PTPRK: variants seen among roughly 807,000 people sequenced by gnomAD.
The protein encoded by PTPRK is receptor-type tyrosine-protein phosphatase kappa.
A neutral mutation model predicts 178.0 loss-of-function variants in PTPRK; 75 were observed. The observed-to-expected ratio is 0.42, with a 90% CI of 0.35 to 0.51. The LOEUF is 0.51. PTPRK is among the 20% of genes least tolerant of loss of function. PTPRK has a pLI of 0.02. For missense variants in PTPRK, 1,441 were observed against 1,797.8 expected (o/e 0.80, Z 3.59); for synonymous variants, 637 against 620.6 (o/e 1.03, Z -0.39).
At chr6:128,345,763 C>G (rs1326880277) in intron 2 of PTPRK, among the ~76,000 whole-genome samples, 1 of 152,078 alleles carries the variant, frequency 6.6e-6, no homozygotes, top group Non-Finnish European at 1.5e-5. Context: ...CATTTGTATC[C>G]CTTCTCACTG....
At chr6:128,435,134 C>A (rs1319925070) in intron 1 of PTPRK, among the ~76,000 whole-genome samples, 5 of 135,202 alleles carry the variant, frequency 3.7e-5, no homozygotes, top group Admixed American at 2.1e-4. Flanking sequence ...GGAAGGCAGG[C>A]AGGCAGGCAG....
At chr6:127,993,085 C>T (rs904208669) in intron 18 of PTPRK, among the ~76,000 whole-genome samples, 2 of 151,584 alleles carry the variant, frequency 1.3e-5, no homozygotes. Flanking sequence ...AAAAGTACAA[C>T]ACACTGCATT....
chr6:128,207,642 A>C (rs1027251334), intron 6 of PTPRK, among the ~76,000 whole-genome samples: 1 of 152,320 alleles, frequency 6.6e-6, no homozygotes, highest in African/African-American at 2.4e-5. Flanking sequence ...GAAAATTATT[A>C]ATCAGAATTT....
intron 13 of PTPRK, among the ~76,000 whole-genome samples, chr6:128,045,903 A>T (rs1182293087): frequency 6.6e-6 from 1 of 152,148 alleles, no homozygotes; most frequent in Non-Finnish European, 1.5e-5. Context: ...CATTGTGGTA[A>T]TATAACATTT....
At chr6:128,153,651 T>TCC in intron 7 of PTPRK, among the ~76,000 whole-genome samples, 1 of 151,852 alleles carries the variant, frequency 6.6e-6, no homozygotes, top group Admixed American at 6.6e-5. Flanking sequence ...TATACTGCCC[T>TCC]CCCCTTCAAG....
At chr6:128,060,000 G>A (rs1044786107) in intron 13 of PTPRK, among the ~76,000 whole-genome samples, 1 of 151,976 alleles carries the variant, frequency 6.6e-6, no homozygotes, top group African/African-American at 2.4e-5. Context: ...TTTCTGTTTC[G>A]GTGACTTGGC....
At chr6:128,048,513 G>A (rs1373622302) in intron 13 of PTPRK, among the ~76,000 whole-genome samples, 1 of 152,130 alleles carries the variant, frequency 6.6e-6, no homozygotes, top group Non-Finnish European at 1.5e-5. Context: ...CCTCACCAGC[G>A]AGACTTTCTC....
Position 128,399,605 on chromosome 6 carries a change from A to G in PTPRK, c.101-1917T>C, listed in dbSNP as rs554652058. On this transcript the variant is annotated intron_variant, in intron 1 of 29. Coordinates refer to ENST00000368226, the MANE Select transcript of PTPRK (RefSeq NM_002844.4). ...TTCTCAAAATATAATTTGCTATCAA[A>G]CTCTAAAATAATTTACTGCTTTGTA... is the stretch of plus-strand genomic sequence containing the variant. Among the ~76,000 whole-genome samples the G allele has an allele frequency of 1.0e-3, 156 of 151,182 alleles. 1 individual carries two copies. The highest frequency in any genetic ancestry group is 3.7e-3 in the African/African-American group (148 of 40,486).
intron 2 of PTPRK, among the ~76,000 whole-genome samples, chr6:128,354,298 C>T (rs1833661649): frequency 8.8e-6 from 1 of 113,498 alleles, no homozygotes; most frequent in Non-Finnish European, 1.6e-5. Context: ...AGTGTAGTGG[C>T]ACCATCTCGG....
At chr6:128,377,364 C>G (rs868239706) in intron 2 of PTPRK, among the ~76,000 whole-genome samples, 2 of 151,926 alleles carry the variant, frequency 1.3e-5, no homozygotes, top group East Asian at 1.9e-4. Flanking sequence ...TTTTTAAAAC[C>G]ATCAGATCTC....
chr6:128,352,052 C>T (rs969463659), intron 2 of PTPRK, among the ~76,000 whole-genome samples: 5 of 151,648 alleles, frequency 3.3e-5, no homozygotes, highest in East Asian at 1.9e-4. Flanking sequence ...GTCAGGAGTT[C>T]GAGACCAGCC....
intron 15 of PTPRK, among the ~76,000 whole-genome samples, chr6:127,999,701 A>G (rs1269192389): frequency 6.6e-6 from 1 of 151,894 alleles, no homozygotes; most frequent in Non-Finnish European, 1.5e-5. Context: ...TTTACATGTC[A>G]TTTCACTTGC....
intron 7 of PTPRK, among the ~76,000 whole-genome samples, chr6:128,126,136 G>T (rs1387494431): frequency 6.6e-6 from 1 of 151,746 alleles, no homozygotes; most frequent in African/African-American, 2.4e-5. Context: ...TACCATGGTG[G>T]TTGGCTGCAC....
chr6:128,388,544 G>A (rs1251557553), intron 2 of PTPRK, among the ~76,000 whole-genome samples: 3 of 152,064 alleles, frequency 2.0e-5, no homozygotes, highest in African/African-American at 4.8e-5. Flanking sequence ...CTCCAAGTCA[G>A]CCCTGAAGCT....
intron 7 of PTPRK, among the ~76,000 whole-genome samples, chr6:128,150,062 A>G (rs1262482836): frequency 6.6e-6 from 1 of 152,168 alleles, no homozygotes; most frequent in Non-Finnish European, 1.5e-5. Flanking sequence ...CTGGAGGCAC[A>G]ATGTAGTCTT....
chr6:128,427,678 C>G (rs187908361), intron 1 of PTPRK, among the ~76,000 whole-genome samples: 1 of 152,138 alleles, frequency 6.6e-6, no homozygotes, highest in Non-Finnish European at 1.5e-5. Context: ...AGCTAGATAT[C>G]GTCTTCAATT....
chr6:128,520,117 C>G (rs961532303), intron 1 of PTPRK, 142 bp downstream of exon 1: 1 of 664,738 alleles, frequency 1.5e-6, no homozygotes, highest in Admixed American at 3.1e-5. Flanking sequence ...CTGGGGACAG[C>G]CCTCCCTCTA....
Position 127,998,883 on chromosome 6 carries a change from G to A in PTPRK, c.2516C>T (p.Ala839Val). ...SPRYENHSAT[A>V]ESSRLLDVPR... ...TACGTCTAGAAGGCGACTGGACTCT[G>A]CTGTAGCACTGTGGTTCTCATCTGG... The change falls in exon 16 of 30, where the codon GCA (alanine) becomes GTA (valine). Residue 839 changes from alanine to valine, a missense_variant. Physicochemically the swap from Ala to Val is moderately conservative, Grantham distance 64 (BLOSUM62 0). Transcript: ENST00000368226. 2.6e-6 allele frequency: 4 copies of A among 1,547,950 alleles called. No homozygotes were observed. Among genetic ancestry groups the A allele is most frequent in the Non-Finnish European group, 3.5e-6 (4 of 1,143,374 alleles).
At chr6:128,157,539 C>T (rs1010471749) in intron 7 of PTPRK, among the ~76,000 whole-genome samples, 16 of 151,876 alleles carry the variant, frequency 1.1e-4, no homozygotes, top group African/African-American at 3.9e-4. Context: ...ATTCCACAGT[C>T]ATTTAAATTT....
Sources: gnomAD v4.1 joint callset for allele counts (sites outside exome capture counted in the v4.1 genomes callset) on GRCh38, gnomAD v4.1.1 for gene constraint, MANE v1.5 for transcripts, NCBI Gene and HGNC (gene_info 2026-07-23, HGNC 2026-07-21) for gene names.